ADAM23: variants seen among roughly 807,000 people sequenced by gnomAD.
The protein encoded by ADAM23 is ADAM metallopeptidase domain 23, also known as disintegrin and metalloproteinase domain-containing protein 23.
In ADAM23, 33 loss-of-function variants were observed where a neutral mutation model predicts 120.1. That is an observed-to-expected ratio of 0.27 (90% confidence interval 0.21 to 0.37). The LOEUF (loss-of-function observed/expected upper bound fraction) is 0.37. Among genes scored for constraint, ADAM23 ranks in the 10% least tolerant of loss-of-function variants. ADAM23 has a pLI of 1.00. For synonymous variants in ADAM23, 367 were observed against 375.2 expected (o/e 0.98, Z 0.25); for missense variants, 862 against 1,058.2 (o/e 0.81, Z 2.57).
chr2:206,585,136 G>A (rs972246222), intron 18 of ADAM23, among the ~76,000 whole-genome samples: 4 of 152,318 alleles, frequency 2.6e-5, no homozygotes, highest in African/African-American at 7.2e-5. Context: ...GGGATTGCTA[G>A]TTTGTTCTTG....
At chr2:206,573,300 A>G (rs1698041972) in intron 18 of ADAM23, 105 bp downstream of exon 18, 2 of 1,112,398 alleles carry the variant, frequency 1.8e-6, no homozygotes, top group Admixed American at 3.6e-5. Flanking sequence ...GATTTTTTGG[A>G]TTTTGGAATA....
chr2:206,599,562 G>T (rs1397926369), intron 24 of ADAM23, among the ~76,000 whole-genome samples: 1 of 152,092 alleles, frequency 6.6e-6, no homozygotes, highest in African/African-American at 2.4e-5. Flanking sequence ...CTCTGTTGTA[G>T]ATTTTATTAT....
At chr2:206,545,960 C>T (rs990435827) in intron 6 of ADAM23, among the ~76,000 whole-genome samples, 4 of 152,096 alleles carry the variant, frequency 2.6e-5, no homozygotes, top group Middle Eastern at 3.2e-3. Context: ...ATTTTTAATG[C>T]ATTCATAGTA....
intron 2 of ADAM23, among the ~76,000 whole-genome samples, chr2:206,466,165 A>C (rs1444095844): frequency 6.6e-6 from 1 of 152,208 alleles, no homozygotes; most frequent in Non-Finnish European, 1.5e-5. Flanking sequence ...GAACTTTCGG[A>C]AAATCAAAGA....
intron 3 of ADAM23, among the ~76,000 whole-genome samples, chr2:206,496,384 C>A (rs926930041): frequency 1.3e-5 from 2 of 152,126 alleles, no homozygotes; most frequent in Non-Finnish European, 2.9e-5. Context: ...AACTGAACAA[C>A]CTGCTCCTGA....
Position 206,543,329 on chromosome 2 carries a change from C to T in ADAM23, c.720+13C>T, listed in dbSNP as rs369026982. ...GGTTCATGATGAGGTGAGTCTATGC[C>T]ATCAGTTGCCTGATGGCGTTCTACT... On this transcript the variant is annotated intron_variant, in intron 6 of 25. Coordinates refer to ENST00000264377, the MANE Select transcript of ADAM23 (RefSeq NM_003812.4). 6 of 1,609,832 alleles carry T rather than the reference C, an allele frequency of 3.7e-6. No homozygotes were observed. The highest frequency in any genetic ancestry group is 1.3e-5 in the African/African-American group (1 of 74,842).
At chr2:206,570,924 ATC>A in intron 16 of ADAM23, 113 bp downstream of exon 16, 1 of 856,930 alleles carries the variant, frequency 1.2e-6, no homozygotes, top group Non-Finnish European at 1.9e-6. Flanking sequence ...TTTCTTTCTC[ATC>A]TCTCTGATTA....
At chr2:206,450,053 G>A (rs1053071765) in intron 2 of ADAM23, among the ~76,000 whole-genome samples, 10 of 152,076 alleles carry the variant, frequency 6.6e-5, no homozygotes, top group African/African-American at 2.4e-4. Flanking sequence ...CACATTTCTT[G>A]ACTTTCCAGA....
At chr2:206,551,872 G>A (rs900437971) in intron 9 of ADAM23, among the ~76,000 whole-genome samples, 1 of 152,070 alleles carries the variant, frequency 6.6e-6, no homozygotes, top group African/African-American at 2.4e-5. Flanking sequence ...TGCTTGAGAT[G>A]TTAGTAAGAA....
rs1559227011 is a variant in ADAM23, at chr2:206,481,307, A to G, written c.508A>G (p.Asn170Asp). The change falls in exon 3 of 26, where the codon AAT becomes GAT. Residue 170 changes from asparagine (N) to aspartate (D), a missense_variant and splice_region_variant. This residue lies in a region of ADAM23 where 617 missense variants were observed against 813.5 expected (regional missense o/e 0.76). Transcript: ENST00000264377. Reference protein sequence around the residue: ...SKFILDLILNNGLLSSDYVEI... With the variant: ...SKFILDLILNDGLLSSDYVEI... ...ATTCATTCTTGACCTCATACTGAAC[A>G]AGTGAGTATTTAGACATAATCTTCT... is the stretch of plus-strand genomic sequence containing the variant. The G allele has an allele frequency of 6.2e-7, 1 of 1,600,774 alleles. No individual in the cohort carries two copies. Among genetic ancestry groups the G allele is most frequent in the Non-Finnish European group, 8.5e-7 (1 of 1,175,066 alleles).
intron 3 of ADAM23, among the ~76,000 whole-genome samples, chr2:206,500,715 C>A (rs1232766235): frequency 1.3e-5 from 2 of 152,136 alleles, no homozygotes; most frequent in East Asian, 3.9e-4. Context: ...CTACTGTCAT[C>A]TGCTTCCACC....
intron 25 of ADAM23, among the ~76,000 whole-genome samples, chr2:206,615,527 C>T (rs902528780): frequency 1.1e-4 from 16 of 152,308 alleles, no homozygotes; most frequent in East Asian, 3.9e-4. Flanking sequence ...CTTCACAGTC[C>T]GCTTGCCACA....
At chr2:206,575,295 A>G (rs1012189568) in intron 18 of ADAM23, among the ~76,000 whole-genome samples, 3 of 152,178 alleles carry the variant, frequency 2.0e-5, no homozygotes, top group African/African-American at 7.2e-5. Flanking sequence ...TTTAGATTTC[A>G]TTCTACCTTC....
rs374524658 is a variant in ADAM23 at position 206,477,897 on chromosome 2, A to AAAATATATAT, written c.433-3334_433-3333insAATATATATA. 3.2e-5 allele frequency among the ~76,000 whole-genome samples: 3 copies of AAAATATATAT among 93,572 alleles called. No individual in the cohort carries two copies. In the East Asian group the frequency reaches 7.7e-4, roughly 24 times the overall value. 61.4% of individuals were successfully genotyped at this position (93,572 alleles called of 152,430 possible). ...TATTCTGTTAAAAAAAAAAAAAAAA[A>AAAATATATAT]ATATATATATATATATATATATATA... is the stretch of plus-strand genomic sequence containing the variant. On this transcript the variant is annotated intron_variant, in intron 2 of 25. Transcript: ENST00000264377.
intron 24 of ADAM23, among the ~76,000 whole-genome samples, chr2:206,600,541 A>T (rs1409501805): frequency 6.6e-6 from 1 of 152,232 alleles, no homozygotes; most frequent in African/African-American, 2.4e-5. Context: ...TCAAGACCAA[A>T]TTAGTAAAAA....
intron 2 of ADAM23, 38 bp downstream of exon 2, chr2:206,445,562 G>A: frequency 2.0e-6 from 3 of 1,533,292 alleles, no homozygotes; most frequent in Non-Finnish European, 2.7e-6. Context: ...TAACTATCAT[G>A]AAGAGTTTTC....
chr2:206,500,109 ATTCT>A (rs1470114302), intron 3 of ADAM23, among the ~76,000 whole-genome samples: 4 of 152,122 alleles, frequency 2.6e-5, no homozygotes, highest in Non-Finnish European at 5.9e-5. Context: ...TATGCAGAAA[ATTCT>A]TTCTTCCTAT....
At chr2:206,479,804 A>C (rs1032149020) in intron 2 of ADAM23, among the ~76,000 whole-genome samples, 1 of 152,138 alleles carries the variant, frequency 6.6e-6, no homozygotes, top group Non-Finnish European at 1.5e-5. Flanking sequence ...TTAAGGATTT[A>C]GGAGCCTTGT....
intron 2 of ADAM23, among the ~76,000 whole-genome samples, chr2:206,462,180 A>G (rs923518985): frequency 2.0e-5 from 3 of 152,172 alleles, no homozygotes; most frequent in East Asian, 1.9e-4. Flanking sequence ...CTGATGACCA[A>G]TTTGCATACA....
Sources: gnomAD v4.1 joint callset for allele counts (sites outside exome capture counted in the v4.1 genomes callset) on GRCh38, gnomAD v4.1.1 for gene constraint, gnomAD v4.1.1 regional missense constraint, MANE v1.5 for transcripts, NCBI Gene and HGNC (gene_info 2026-07-23, HGNC 2026-07-21) for gene names.